The following SUGCT variants were observed in gnomAD, a reference collection of about 807,000 sequenced individuals.
SUGCT encodes the protein succinyl-CoA:glutarate CoA-transferase.
SUGCT carries 41 observed loss-of-function variants against 55.0 expected under a neutral mutation model. The ratio of observed to expected loss-of-function variants is 0.74; its 90% CI spans 0.58 to 0.97. SUGCT has a LOEUF of 0.97. Among genes scored for constraint, SUGCT ranks in the 50% least tolerant of loss-of-function variants. SUGCT has a pLI of 0.00. For synonymous variants in SUGCT, 187 were observed against 200.4 expected (o/e 0.93, Z 0.56); for missense variants, 568 against 547.8 (o/e 1.04, Z -0.37).
At chr7:40,527,612 A>T (rs928777129) in intron 12 of SUGCT, among the ~76,000 whole-genome samples, 1 of 152,204 alleles carries the variant, frequency 6.6e-6, no homozygotes, top group South Asian at 2.1e-4. Flanking sequence ...GAGCTGTTTT[A>T]AATAATTTCT....
chr7:40,421,408 C>T (rs758876265), intron 9 of SUGCT, among the ~76,000 whole-genome samples: 30 of 152,154 alleles, frequency 2.0e-4, no homozygotes, highest in Non-Finnish European at 3.8e-4. Context: ...ACCAGTGGCT[C>T]CTGACTCCTG....
intron 6 of SUGCT, among the ~76,000 whole-genome samples, chr7:40,215,417 G>A (rs1192803555): frequency 6.6e-6 from 1 of 152,054 alleles, no homozygotes; most frequent in African/African-American, 2.4e-5. Context: ...GCCTCCCAAA[G>A]TACTGGGATT....
chr7:40,341,790 A>C (rs1397245565), intron 9 of SUGCT, among the ~76,000 whole-genome samples: 1 of 152,260 alleles, frequency 6.6e-6, no homozygotes, highest in African/African-American at 2.4e-5. Context: ...GGCATTAAAG[A>C]TGCATCCTTC....
At chr7:40,260,977 C>CT (rs909295999) in intron 7 of SUGCT, among the ~76,000 whole-genome samples, 5 of 151,758 alleles carry the variant, frequency 3.3e-5, no homozygotes, top group African/African-American at 7.2e-5. Context: ...CCCACCCCCA[C>CT]TTTTTTTTTC....
intron 7 of SUGCT, among the ~76,000 whole-genome samples, chr7:40,259,619 C>T (rs1791082726): frequency 6.6e-6 from 1 of 152,154 alleles, no homozygotes; most frequent in South Asian, 2.1e-4. Flanking sequence ...TGCAGCATCA[C>T]ACGAGGTATA....
the SUGCT span, among the ~76,000 whole-genome samples, chr7:40,925,005 CCCAGTGTACCACATGTAAGTTTCT>C: frequency 6.6e-6 from 1 of 152,074 alleles, no homozygotes; most frequent in African/African-American, 2.4e-5. Flanking sequence ...GTACATGACT[CCCAGTGTACCACATGTAAGTTTCT>C]CCAAGTCTGG....
At chr7:40,854,474 T>TTC (rs754032485) in intron 13 of SUGCT, among the ~76,000 whole-genome samples, 14 of 135,422 alleles carry the variant, frequency 1.0e-4, no homozygotes, top group African/African-American at 3.9e-4. Context: ...CTTTCTTTCT[T>TTC]TCTCTTTCTC....
chr7:40,985,176 T>G, the SUGCT span, among the ~76,000 whole-genome samples: 8 of 152,192 alleles, frequency 5.3e-5, no homozygotes, highest in Admixed American at 4.6e-4. Flanking sequence ...AATTGCAAGT[T>G]GAAATTGCAA....
At chr7:40,657,591 A>G (rs376137470) in intron 12 of SUGCT, among the ~76,000 whole-genome samples, 37 of 151,704 alleles carry the variant, frequency 2.4e-4, no homozygotes, top group South Asian at 4.2e-4. Context: ...CTGGGGTGCA[A>G]TGGCGCAGTC....
At chr7:40,294,784 T>C (rs1053115378) in intron 8 of SUGCT, among the ~76,000 whole-genome samples, 1 of 152,160 alleles carries the variant, frequency 6.6e-6, no homozygotes, top group African/African-American at 2.4e-5. Context: ...TGACCTCAGG[T>C]GGTCCGCACA....
chr7:40,688,664 A>G (rs1449597916), intron 12 of SUGCT, among the ~76,000 whole-genome samples: 1 of 152,142 alleles, frequency 6.6e-6, no homozygotes, highest in African/African-American at 2.4e-5. Flanking sequence ...AAGTCTTAAC[A>G]CTAATAGTGT....
chr7:40,958,745 C>T, the SUGCT span, among the ~76,000 whole-genome samples: 972 of 152,092 alleles, frequency 6.4e-3, 21 homozygotes, highest in East Asian at 0.043. Flanking sequence ...AGGAGGCATT[C>T]TGGTTTTTGG....
chr7:40,235,237 C>T (rs1264537807), intron 6 of SUGCT, among the ~76,000 whole-genome samples: 3 of 151,870 alleles, frequency 2.0e-5, no homozygotes, highest in Non-Finnish European at 4.4e-5. Context: ...TTTCTGGTGG[C>T]GAATGCATCT....
intron 12 of SUGCT, among the ~76,000 whole-genome samples, chr7:40,735,686 G>A (rs1338545301): frequency 6.6e-6 from 1 of 152,046 alleles, no homozygotes; most frequent in Non-Finnish European, 1.5e-5. Flanking sequence ...GTCAGTGGGT[G>A]AACTAGGTAA....
At chr7:40,391,510 G>A (rs1379425144) in intron 9 of SUGCT, among the ~76,000 whole-genome samples, 3 of 152,186 alleles carry the variant, frequency 2.0e-5, no homozygotes, top group Non-Finnish European at 4.4e-5. Flanking sequence ...AGACATTTAT[G>A]CAGCCAACAG....
chr7:40,334,016 C>A (rs1181521634), intron 9 of SUGCT, among the ~76,000 whole-genome samples: 1 of 151,862 alleles, frequency 6.6e-6, no homozygotes, highest in South Asian at 2.1e-4. Flanking sequence ...GGTTTTTTGT[C>A]CTTGCGATAG....
chr7:40,908,258 C>T, the SUGCT span, among the ~76,000 whole-genome samples: 1 of 151,560 alleles, frequency 6.6e-6, no homozygotes, highest in East Asian at 1.9e-4. Context: ...TGGCGGGTGC[C>T]TGTAGTCCCA....
chr7:40,338,264 C>T (rs1239172916), intron 9 of SUGCT, among the ~76,000 whole-genome samples: 1 of 152,122 alleles, frequency 6.6e-6, no homozygotes, highest in Non-Finnish European at 1.5e-5. Context: ...TTGTGGCATT[C>T]TCTGTATTTC....
chr7:41,036,776 A>C, the SUGCT span, among the ~76,000 whole-genome samples: 1 of 152,174 alleles, frequency 6.6e-6, no homozygotes, highest in African/African-American at 2.4e-5. Context: ...CAATCTGTTC[A>C]GTGCTCTCAT....
Sources: allele counts gnomAD v4.1 joint callset (sites outside exome capture counted in the v4.1 genomes callset), GRCh38; gene constraint gnomAD v4.1.1; transcripts MANE v1.5; gene names NCBI Gene and HGNC (gene_info 2026-07-23, HGNC 2026-07-21).